VPS53: variants seen among roughly 807,000 people sequenced by gnomAD.
The protein encoded by VPS53 is VPS53 subunit of GARP complex.
A neutral mutation model predicts 107.0 loss-of-function variants in VPS53; 70 were observed. The observed-to-expected ratio is 0.65, with a 90% CI of 0.54 to 0.80. The LOEUF (loss-of-function observed/expected upper bound fraction) is 0.80, where lower values mean the gene tolerates loss of function less well. VPS53 is among the 30% of genes least tolerant of loss of function. The pLI is 0.00. For synonymous variants in VPS53, 409 were observed against 393.3 expected, an observed-to-expected ratio of 1.04 and a Z score of -0.47; for missense variants, 917 against 1,049.4, an observed-to-expected ratio of 0.87 and a Z score of 1.74.
rs531001807 is a variant in VPS53 at position 582,071 on chromosome 17, C to T, written c.1313+4199G>A. ...ACCTCCCTCAGAACCTCAGTGCAAT[C>T]CCAGAGAACCTGCCTTCAAACCTAA... On this transcript the variant is annotated intron_variant, in intron 13 of 21. Transcript: ENST00000437048. Among the ~76,000 whole-genome samples, 5 of 151,588 alleles carry T rather than the reference C, an allele frequency of 3.3e-5. No homozygotes were observed. In the South Asian group the frequency reaches 6.3e-4, roughly 19 times the overall value.
intron 7 of VPS53, 95 bp downstream of exon 7, chr17:653,196 A>C: frequency 1.3e-6 from 2 of 1,557,112 alleles, no homozygotes; most frequent in South Asian, 2.4e-5. Context: ...GATCTGCGGA[A>C]TCCCCATATA....
At chr17:600,362 G>A (rs1221679142) in intron 12 of VPS53, among the ~76,000 whole-genome samples, 2 of 152,230 alleles carry the variant, frequency 1.3e-5, no homozygotes, top group Non-Finnish European at 2.9e-5. Flanking sequence ...CAGGGCAGAG[G>A]TGGCCCTGTG....
chr17:562,534 C>A lies in VPS53; in HGVS notation c.1525G>T (p.Ala509Ser), dbSNP rs745757197. The A allele has an allele frequency of 2.5e-6, 4 of 1,613,960 alleles. No individual in the cohort carries two copies. Among genetic ancestry groups the A allele is most frequent in the African/African-American group, 1.3e-5 (1 of 74,958 alleles). ...AGGTTGCCAGAGAGGATTTTCCAGG[C>A]GTATTCTCGGAGGTACTTCTGGAAA... ...TIFQKYLREY[A>S]WKILSGNLPK... Residue 509 changes from alanine (A) to serine (S), a missense_variant, in exon 14 of 22, where the codon GCC becomes TCC. Coordinates refer to ENST00000437048, the MANE Select transcript of VPS53 (RefSeq NM_001128159.3).
intron 5 of VPS53, among the ~76,000 whole-genome samples, chr17:658,632 A>G (rs1369781648): frequency 6.6e-6 from 1 of 151,016 alleles, no homozygotes; most frequent in Non-Finnish European, 1.5e-5. Flanking sequence ...GATACATCCC[A>G]CTAAAGTGAG....
rs191461766 is a variant in VPS53 at position 577,325 on chromosome 17, C to T, written c.1313+8945G>A. On this transcript the variant is annotated intron_variant, in intron 13 of 21. Transcript: ENST00000437048. ...CATTCCTAGAGAATCTCCCACAGAA[C>T]CTCAATGAGTTACCACAGAACCTCC... Among the ~76,000 whole-genome samples, 186 of 150,854 alleles carry T rather than the reference C, an allele frequency of 1.2e-3. 1 individual carries two copies. Among genetic ancestry groups the T allele is most frequent in the African/African-American group, 3.6e-3 (149 of 40,974 alleles).
chr17:521,356 A>G (rs1212480986), intron 20 of VPS53, among the ~76,000 whole-genome samples: 1 of 152,160 alleles, frequency 6.6e-6, no homozygotes, highest in Non-Finnish European at 1.5e-5. Flanking sequence ...AAGCTTGACC[A>G]CATTTGATCA....
rs375781891 is a variant in VPS53, at chr17:639,693, T to C, written c.609-8065A>G. Among the ~76,000 whole-genome samples the C allele has an allele frequency of 3.9e-5, 6 of 152,210 alleles. 1 individual carries two copies. In the East Asian group the frequency reaches 7.7e-4, roughly 20 times the overall value. ...GCTGGAGGTCCACTCCAGATGCTGT[T>C]TGCCTGGGTATCAGCAGCGGAGGCT... On this transcript the variant is annotated intron_variant, in intron 7 of 21. Transcript: ENST00000437048.
At position 570,925 on chromosome 17, in the gene VPS53, T is replaced by G. The variant is rs575132917; in HGVS notation, c.1314-8180A>C. 3.3e-5 allele frequency among the ~76,000 whole-genome samples: 5 copies of G among 152,344 alleles called. No homozygotes were observed. The South Asian group carries it at 1.0e-3, about 32-fold the overall frequency. ...GTTAATTTCCTGATGTGGACAGTTG[T>G]ACTGTGGTTATGTAGAAACCTTGTT... On this transcript the variant is annotated intron_variant, in intron 13 of 21. Transcript: ENST00000437048.
intron 11 of VPS53, among the ~76,000 whole-genome samples, chr17:613,213 T>C (rs1199903715): frequency 2.7e-5 from 4 of 148,804 alleles, no homozygotes; most frequent in African/African-American, 9.9e-5. Context: ...ATTCACATAG[T>C]GAGTTCACAC....
chr17:659,144 T>C (rs921549432), intron 5 of VPS53, among the ~76,000 whole-genome samples: 4 of 151,936 alleles, frequency 2.6e-5, no homozygotes, highest in Admixed American at 2.0e-4. Flanking sequence ...AAATTAGATA[T>C]AGAAGGCTGA....
chr17:629,464 A>G (rs1359529094), intron 8 of VPS53, among the ~76,000 whole-genome samples: 2 of 152,218 alleles, frequency 1.3e-5, no homozygotes, highest in Non-Finnish European at 2.9e-5. Context: ...ATAGTCTTTA[A>G]AAAGAAAACT....
intron 4 of VPS53, among the ~76,000 whole-genome samples, chr17:671,538 C>A (rs1204928603): frequency 5.9e-5 from 9 of 152,138 alleles, no homozygotes; most frequent in Admixed American, 5.9e-4. Context: ...AATGCAAATT[C>A]TATCAGCTAC....
At chr17:543,029 G>A (rs2151823846) in intron 17 of VPS53, among the ~76,000 whole-genome samples, 1 of 151,410 alleles carries the variant, frequency 6.6e-6, no homozygotes, top group East Asian at 1.9e-4. Context: ...ATTTAGTTTT[G>A]TCATAATGGG....
At chr17:611,741 A>G (rs1196052954) in intron 11 of VPS53, among the ~76,000 whole-genome samples, 1 of 152,276 alleles carries the variant, frequency 6.6e-6, no homozygotes, top group African/African-American at 2.4e-5. Flanking sequence ...TAGTGAGTTC[A>G]CATAGTGAAA....
chr17:617,532 G>A (rs1969198700), intron 11 of VPS53, among the ~76,000 whole-genome samples: 1 of 152,218 alleles, frequency 6.6e-6, no homozygotes, highest in South Asian at 2.1e-4. Flanking sequence ...CTCTCAGGTA[G>A]CTGGGACTAC....
intron 7 of VPS53, among the ~76,000 whole-genome samples, chr17:634,195 A>G (rs924441905): frequency 6.6e-6 from 1 of 151,072 alleles, no homozygotes; most frequent in Non-Finnish European, 1.5e-5. Context: ...CAGAAAGGAG[A>G]GCCTCTGGCC....
At chr17:546,327 T>TCACACACACACACA (rs888241748) in intron 17 of VPS53, among the ~76,000 whole-genome samples, 1 of 93,118 alleles carries the variant, frequency 1.1e-5, no homozygotes, top group African/African-American at 4.3e-5. Flanking sequence ...ATCTTAGATA[T>TCACACACACACACA]CTCACACACA....
chr17:584,998 A>T (rs1967236196), intron 13 of VPS53, among the ~76,000 whole-genome samples: 1 of 152,256 alleles, frequency 6.6e-6, no homozygotes, highest in East Asian at 1.9e-4. Flanking sequence ...CATTTGGCAA[A>T]TGCCACAGAA....
chr17:687,957 C>G (rs1972650815), intron 4 of VPS53, among the ~76,000 whole-genome samples: 1 of 152,110 alleles, frequency 6.6e-6, no homozygotes, highest in South Asian at 2.1e-4. Context: ...CTGAAGATAT[C>G]TAACTACACC....
Sources: allele counts gnomAD v4.1 joint callset (sites outside exome capture counted in the v4.1 genomes callset), GRCh38; gene constraint gnomAD v4.1.1; transcripts MANE v1.5; gene names NCBI Gene and HGNC (gene_info 2026-07-23, HGNC 2026-07-21).